FAM174B: variants seen among roughly 807,000 people sequenced by gnomAD.
FAM174B encodes family with sequence similarity 174 member B.
In FAM174B, 12 loss-of-function variants were observed where a neutral mutation model predicts 10.9. That is an observed-to-expected ratio of 1.10 (90% CI 0.71 to 1.79). The LOEUF is 1.79. Ranked by LOEUF, FAM174B falls within the 40% of genes most tolerant of loss-of-function variation. The pLI is 0.00. For missense variants in FAM174B, 266 were observed against 233.3 expected (o/e 1.14, Z -0.91); for synonymous variants, 132 against 115.8 (o/e 1.14, Z -0.90).
At chr15:92,626,265 A>AT (rs1370770257) in intron 2 of FAM174B, among the ~76,000 whole-genome samples, 2 of 151,906 alleles carry the variant, frequency 1.3e-5, no homozygotes, top group Admixed American at 1.3e-4. Flanking sequence ...TGCCCGGCTA[A>AT]TTTTTTGTAT....
intron 1 of FAM174B, among the ~76,000 whole-genome samples, chr15:92,646,145 C>A (rs1400528622): frequency 6.6e-6 from 1 of 152,140 alleles, no homozygotes; most frequent in Non-Finnish European, 1.5e-5. Context: ...CCCCAGACAT[C>A]CTGCACCCCC....
Position 92,631,349 on chromosome 15 carries a change from AATATATT to A in FAM174B, c.345-1011_345-1005del, listed in dbSNP as rs1567045360. 2.1e-3 allele frequency among the ~76,000 whole-genome samples: 21 copies of A among 10,068 alleles called. 7 individuals carry two copies. The highest frequency in any genetic ancestry group is 0.017 in the African/African-American group (21 of 1,224). The allele number at this position is 10,068 out of a possible 152,430, so 6.6% of individuals were successfully genotyped here. ...ATATAATATATTATATATTATATAT[AATATATT>A]ATATATTATATTATATATAATATAT... On this transcript the variant is annotated intron_variant, in intron 1 of 2. Transcript: ENST00000327355.
chr15:92,649,416 A>G (rs2050949801), intron 1 of FAM174B, among the ~76,000 whole-genome samples: 1 of 152,216 alleles, frequency 6.6e-6, no homozygotes, highest in Admixed American at 6.5e-5. Flanking sequence ...CACCTGCCTG[A>G]TAATTGTGGC....
chr15:92,632,482 C>T (rs1596297982), intron 1 of FAM174B, among the ~76,000 whole-genome samples: 1 of 152,118 alleles, frequency 6.6e-6, no homozygotes, highest in East Asian at 1.9e-4. Flanking sequence ...GCGCCACTGC[C>T]CTCCAGCCTG....
chr15:92,619,511 C>A, intron 2 of FAM174B, 52 bp from the exon 3 acceptor site: 1 of 1,593,542 alleles, frequency 6.3e-7, no homozygotes. Context: ...AGCCTCGCAC[C>A]CATTCTGACC....
At position 92,655,666 on chromosome 15, in the gene FAM174B, G is replaced by A. The variant is rs565939824; in HGVS notation, c.-7C>T. ...GCAGCGGCACGGCGCGCATAGTGCG[G>A]TGGGTCGGCACAGGATCGGGCAGGG... On this transcript the variant is annotated 5_prime_UTR_variant, in exon 1 of 3. Coordinates refer to ENST00000327355, the MANE Select transcript of FAM174B (RefSeq NM_207446.3). 89 of 1,259,908 alleles carry A rather than the reference G, an allele frequency of 7.1e-5. No homozygotes were observed. In the African/African-American group the frequency reaches 1.2e-3, roughly 17 times the overall value. The allele number at this position is 1,259,908 out of a possible 1,614,324, so 78.0% of individuals were successfully genotyped here.
At chr15:92,649,832 T>G (rs1235747705) in intron 1 of FAM174B, among the ~76,000 whole-genome samples, 1 of 152,232 alleles carries the variant, frequency 6.6e-6, no homozygotes, top group Non-Finnish European at 1.5e-5. Context: ...AGAATCTGGA[T>G]TTTGGCTGTA....
rs2050696175 is a variant in FAM174B, at chr15:92,618,699, A to AG, written c.*756dup. Reference sequence around the variant, plus strand: ...CACTTTCCTTTCCCTTCAGAGAAGGAGAAACTGTTTTATAGGTATCACACA... The same window carrying AG: ...CACTTTCCTTTCCCTTCAGAGAAGGAGGAAACTGTTTTATAGGTATCACACA... On this transcript the variant is annotated 3_prime_UTR_variant, in exon 3 of 3. Coordinates refer to ENST00000327355, the MANE Select transcript of FAM174B (RefSeq NM_207446.3). 1 of 154,138 alleles carries AG rather than the reference A, an allele frequency of 6.5e-6. No homozygotes were observed. 9.5% of individuals were successfully genotyped at this position (154,138 alleles called of 1,614,324 possible).
rs1053443694 is a variant in FAM174B, at chr15:92,655,359, A to C, written c.301T>G (p.Phe101Val). Reference protein sequence around the residue: ...LKAAVIVAFAFTTLLIACLLL... With the variant: ...LKAAVIVAFAVTTLLIACLLL... ...AGGCAGGCGATGAGGAGGGTGGTAAAGGCGAACGCCACGATCACGGCTGCC... is the reference window on the plus strand; with the variant it reads ...AGGCAGGCGATGAGGAGGGTGGTAACGGCGAACGCCACGATCACGGCTGCC... Residue 101 changes from phenylalanine (F) to valine (V), a missense_variant, in exon 1 of 3, where the codon TTT becomes GTT. Physicochemically the swap from Phe to Val is conservative, Grantham distance 50. Coordinates refer to ENST00000327355, the MANE Select transcript of FAM174B (RefSeq NM_207446.3). The C allele has an allele frequency of 8.8e-6, 14 of 1,588,820 alleles. No individual in the cohort carries two copies. The highest frequency in any genetic ancestry group is 3.4e-6 in the Non-Finnish European group (4 of 1,168,416).
chr15:92,622,683 G>C (rs578129168), intron 2 of FAM174B, among the ~76,000 whole-genome samples: 1 of 152,364 alleles, frequency 6.6e-6, no homozygotes, highest in Admixed American at 6.5e-5. Flanking sequence ...GCCTGCACCT[G>C]CTGTTACTTC....
At chr15:92,637,425 G>C (rs568920172) in intron 1 of FAM174B, among the ~76,000 whole-genome samples, 108 of 152,306 alleles carry the variant, frequency 7.1e-4, no homozygotes, top group African/African-American at 2.4e-3. Context: ...TTTCACCAAA[G>C]CCAGCCGGGG....
In FAM174B at chr15:92,655,248, C is replaced by T. The variant is rs555935163; in HGVS notation, c.344+68G>A. On this transcript the variant is annotated intron_variant, in intron 1 of 2. Coordinates refer to ENST00000327355, the MANE Select transcript of FAM174B (RefSeq NM_207446.3). ...TGTGCGTGCAGGTGGGGCGGGCGCG[C>T]GGCGACAGCAGGTTGGCGATGCCGC... is the stretch of plus-strand genomic sequence containing the variant. 305 of 1,440,548 alleles carry T rather than the reference C, an allele frequency of 2.1e-4. 1 individual carries two copies. In the East Asian group the frequency reaches 7.1e-3, roughly 33 times the overall value. 89.2% of individuals were successfully genotyped at this position (1,440,548 alleles called of 1,614,324 possible). A position where few individuals can be genotyped will look rare whatever the true frequency, so the allele number is the denominator to read the frequency against.
intron 1 of FAM174B, among the ~76,000 whole-genome samples, chr15:92,636,644 G>C (rs1416662051): frequency 1.3e-5 from 2 of 152,202 alleles, no homozygotes. Context: ...CATGGGGCTT[G>C]AGAGTATAGA....
At chr15:92,628,611 C>A (rs966886274) in intron 2 of FAM174B, among the ~76,000 whole-genome samples, 1 of 151,998 alleles carries the variant, frequency 6.6e-6, no homozygotes, top group Non-Finnish European at 1.5e-5. Flanking sequence ...AAGGGTGCTG[C>A]CCTTTACCTA....
chr15:92,641,803 A>C (rs1247228957), intron 1 of FAM174B, among the ~76,000 whole-genome samples: 1 of 152,190 alleles, frequency 6.6e-6, no homozygotes, highest in South Asian at 2.1e-4. Context: ...AAAAGAAAAA[A>C]CTAGATAAAT....
In FAM174B at chr15:92,630,214, C is replaced by T; in HGVS notation, c.476G>A (p.Arg159Lys). Reference sequence around the variant, plus strand: ...GGAAGCCTCTGTCTCCACCCTGTACCTGTATTTGATGTCGAATACTGTGGA... The same window carrying T: ...GGAAGCCTCTGTCTCCACCCTGTACTTGTATTTGATGTCGAATACTGTGGA... ...EDSTVFDIKYR is the reference protein window; with the variant it reads ...EDSTVFDIKYK Residue 159 changes from arginine to lysine, a missense_variant and splice_region_variant, in exon 2 of 3, where the codon AGG becomes AAG. Arg to Lys is a conservative substitution (Grantham distance 26). Coordinates refer to ENST00000327355, the MANE Select transcript of FAM174B (RefSeq NM_207446.3). 6.2e-7 allele frequency: 1 copy of T among 1,613,734 alleles called. No homozygotes were observed. Among genetic ancestry groups the T allele is most frequent in the Non-Finnish European group, 8.5e-7 (1 of 1,179,744 alleles).
In FAM174B at chr15:92,651,171, A is replaced by C. The variant is rs144254820; in HGVS notation, c.344+4145T>G. Among the ~76,000 whole-genome samples the C allele has an allele frequency of 6.2e-3, 948 of 152,346 alleles. 8 individuals are homozygous for C. The highest frequency in any genetic ancestry group is 0.02 in the Middle Eastern group (6 of 294). ...AAAGTAAGATAATACTAAGTGTTGG[A>C]TATGATGTGAGAATCTGAGAACCCT... On this transcript the variant is annotated intron_variant, in intron 1 of 2. Transcript: ENST00000327355.
At chr15:92,634,052 G>A (rs1424542663) in intron 1 of FAM174B, among the ~76,000 whole-genome samples, 7 of 152,206 alleles carry the variant, frequency 4.6e-5, no homozygotes, top group Non-Finnish European at 1.0e-4. Context: ...CGGACAAGTT[G>A]CGGCTGTCTG....
rs1239899250 is a variant in FAM174B, at chr15:92,619,358, C to T, written c.*98G>A. 1.4e-6 allele frequency: 2 copies of T among 1,458,034 alleles called. No individual in the cohort carries two copies. Among genetic ancestry groups the T allele is most frequent in the Non-Finnish European group, 1.9e-6 (2 of 1,040,390 alleles). 90.3% of individuals were successfully genotyped at this position (1,458,034 alleles called of 1,614,324 possible). A position where few individuals can be genotyped will look rare whatever the true frequency, so the allele number is the denominator to read the frequency against. On this transcript the variant is annotated 3_prime_UTR_variant, in exon 3 of 3. Transcript: ENST00000327355. ...TACATAACGTTCGTTTTGGTTTCAA[C>T]ACCTCCGACGCAAGAGGGCTTCCAG...
Sources: gnomAD v4.1 joint callset for allele counts (sites outside exome capture counted in the v4.1 genomes callset) on GRCh38, gnomAD v4.1.1 for gene constraint, MANE v1.5 for transcripts, NCBI Gene and HGNC (gene_info 2026-07-23, HGNC 2026-07-21) for gene names.